The following ASIC2 variants were observed in gnomAD, a reference collection of about 807,000 sequenced individuals.
ASIC2 encodes the protein acid sensing ion channel subunit 2, also known as acid-sensing ion channel 2.
A neutral mutation model predicts 57.3 loss-of-function variants in ASIC2; 25 were observed. The observed-to-expected ratio is 0.44, with a 90% CI of 0.32 to 0.61. The LOEUF (loss-of-function observed/expected upper bound fraction) is 0.61. ASIC2 is among the 20% of genes least tolerant of loss of function. The probability of loss-of-function intolerance (pLI) is 0.06; values close to 1 mark genes in which losing one functional copy is unlikely to be tolerated. For missense variants in ASIC2, 641 were observed against 738.1 expected (o/e 0.87, Z 1.52); for synonymous variants, 319 against 307.5 (o/e 1.04, Z -0.39).
intron 1 of ASIC2, among the ~76,000 whole-genome samples, chr17:33,198,442 T>C (rs1906726460): frequency 6.6e-6 from 1 of 152,236 alleles, no homozygotes; most frequent in East Asian, 1.9e-4. Flanking sequence ...CTCAATTCAG[T>C]AGGGCATTAG....
At chr17:33,192,584 C>T (rs1179404266) in intron 1 of ASIC2, among the ~76,000 whole-genome samples, 3 of 152,196 alleles carry the variant, frequency 2.0e-5, no homozygotes, top group Non-Finnish European at 4.4e-5. Context: ...AGATCCCTCA[C>T]CTCCTAACGT....
At chr17:33,802,294 A>C (rs1025138060) in intron 1 of ASIC2, among the ~76,000 whole-genome samples, 39 of 152,238 alleles carry the variant, frequency 2.6e-4, no homozygotes, top group Non-Finnish European at 5.1e-4. Flanking sequence ...TGTCCCATAT[A>C]GCCTAGGTGC....
intron 1 of ASIC2, chr17:33,533,572 C>A (rs1915127670): frequency 2.0e-5 from 3 of 152,118 alleles, no homozygotes; most frequent in South Asian, 2.1e-4. Flanking sequence ...GTCTGAGAAG[C>A]TTTTCCAGAT....
intron 1 of ASIC2, among the ~76,000 whole-genome samples, chr17:33,962,329 T>C (rs1597951426): frequency 6.6e-6 from 1 of 151,708 alleles, no homozygotes; most frequent in Admixed American, 6.6e-5. Flanking sequence ...CTGGGGGAGG[T>C]GACATCGGAA....
chr17:33,669,053 C>T (rs1031968860), intron 1 of ASIC2, among the ~76,000 whole-genome samples: 1 of 152,178 alleles, frequency 6.6e-6, no homozygotes, highest in South Asian at 2.1e-4. Flanking sequence ...CCTGCATCCT[C>T]CATCTCTGAA....
intron 1 of ASIC2, among the ~76,000 whole-genome samples, chr17:33,669,382 A>C (rs148612466): frequency 1.3e-5 from 2 of 152,326 alleles, no homozygotes; most frequent in East Asian, 3.9e-4. Context: ...AGCAGACCCA[A>C]AACAGAGGTA....
intron 1 of ASIC2, among the ~76,000 whole-genome samples, chr17:33,319,901 T>C (rs1206638144): frequency 6.6e-6 from 1 of 152,206 alleles, no homozygotes; most frequent in East Asian, 1.9e-4. Context: ...TACTATCAAA[T>C]ACTACATCGT....
intron 1 of ASIC2, among the ~76,000 whole-genome samples, chr17:33,466,217 C>G (rs982584595): frequency 6.6e-6 from 1 of 152,164 alleles, no homozygotes; most frequent in African/African-American, 2.4e-5. Context: ...AGAGCCAAAT[C>G]ATGAGTGAAC....
intron 1 of ASIC2, among the ~76,000 whole-genome samples, chr17:34,135,267 G>T (rs113669857): frequency 9.2e-5 from 14 of 152,212 alleles, no homozygotes; most frequent in African/African-American, 3.4e-4. Flanking sequence ...TCCCAAACAG[G>T]CCTGCCTGCT....
intron 1 of ASIC2, among the ~76,000 whole-genome samples, chr17:33,960,301 G>A (rs1343450517): frequency 6.6e-6 from 1 of 152,186 alleles, no homozygotes. Flanking sequence ...AGGGACATTT[G>A]AGCCCCTAAA....
At chr17:33,463,097 C>G (rs1306194645) in intron 1 of ASIC2, among the ~76,000 whole-genome samples, 4 of 152,110 alleles carry the variant, frequency 2.6e-5, no homozygotes, top group South Asian at 2.1e-4. Flanking sequence ...AAGTTGTATC[C>G]CACTCACTCC....
chr17:33,736,840 C>T (rs181067764), intron 1 of ASIC2, among the ~76,000 whole-genome samples: 75 of 152,288 alleles, frequency 4.9e-4, no homozygotes, highest in South Asian at 2.3e-3. Flanking sequence ...GTACTTTACA[C>T]GGAAACGTGC....
rs117550558 is a variant in ASIC2 at position 33,806,400 on chromosome 17, A to C, written c.555+349578T>G. Among the ~76,000 whole-genome samples, 971 of 152,356 alleles carry C rather than the reference A, an allele frequency of 6.4e-3. 8 individuals are homozygous for C. Among genetic ancestry groups the C allele is most frequent in the Non-Finnish European group, 9.3e-3 (631 of 68,028 alleles). The stretch of plus-strand genomic sequence containing the variant: ...TCAACCATTTAAGAATGTAAAGGAC[A>C]TTATTAACTAACAAGCCATGCAAAG... On this transcript the variant is annotated intron_variant, in intron 1 of 9. Transcript: ENST00000359872.
At chr17:33,759,071 G>A (rs575976664) in intron 1 of ASIC2, among the ~76,000 whole-genome samples, 1 of 152,140 alleles carries the variant, frequency 6.6e-6, no homozygotes, top group Non-Finnish European at 1.5e-5. Flanking sequence ...AGAAGATAAG[G>A]GAAAGTTTGG....
At chr17:33,066,543 T>C (rs920737641) in intron 3 of ASIC2, among the ~76,000 whole-genome samples, 1 of 152,160 alleles carries the variant, frequency 6.6e-6, no homozygotes, top group African/African-American at 2.4e-5. Flanking sequence ...CTCAGCGTCA[T>C]GGAACCAGGA....
chr17:33,799,895 C>G (rs1005492149), intron 1 of ASIC2, among the ~76,000 whole-genome samples: 1 of 152,138 alleles, frequency 6.6e-6, no homozygotes, highest in South Asian at 2.1e-4. Context: ...ATCTGGGTCC[C>G]CACAAATACT....
chr17:33,579,056 C>T (rs989318579), intron 1 of ASIC2, among the ~76,000 whole-genome samples: 13 of 152,092 alleles, frequency 8.5e-5, no homozygotes, highest in Admixed American at 1.3e-4. Flanking sequence ...GAGGTCGAAG[C>T]GGGTGGATCA....
intron 1 of ASIC2, among the ~76,000 whole-genome samples, chr17:33,477,676 G>T (rs1009150351): frequency 6.6e-6 from 1 of 152,070 alleles, no homozygotes; most frequent in African/African-American, 2.4e-5. Context: ...ACATGACCAC[G>T]TCCCTGCCCT....
intron 1 of ASIC2, among the ~76,000 whole-genome samples, chr17:33,564,094 A>T (rs1938204345): frequency 6.6e-6 from 1 of 152,150 alleles, no homozygotes; most frequent in Admixed American, 6.5e-5. Flanking sequence ...CCCCCTGAGG[A>T]GGTGAGGCTG....
Sources: allele counts gnomAD v4.1 joint callset (sites outside exome capture counted in the v4.1 genomes callset), GRCh38; gene constraint gnomAD v4.1.1; transcripts MANE v1.5; gene names NCBI Gene and HGNC (gene_info 2026-07-23, HGNC 2026-07-21).